The following CNBD1 variants were observed in gnomAD, a reference collection of about 807,000 sequenced individuals.
The protein encoded by CNBD1 is cyclic nucleotide-binding domain-containing protein 1.
In CNBD1, 71 loss-of-function variants were observed where a neutral mutation model predicts 54.4. The ratio of observed to expected loss-of-function variants is 1.30; its 90% confidence interval spans 1.08 to 1.59. The LOEUF is 1.59. Among genes scored for constraint, CNBD1 ranks in the 40% most tolerant of loss-of-function variants. The probability of loss-of-function intolerance (pLI) is 0.00; values close to 1 mark genes in which losing one functional copy is unlikely to be tolerated. For missense variants in CNBD1, 659 were observed against 518.0 expected (o/e 1.27, Z -2.64); for synonymous variants, 182 against 170.7 (o/e 1.07, Z -0.51).
chr8:86,912,160 C>T (rs1201295630), intron 3 of CNBD1, among the ~76,000 whole-genome samples: 3 of 151,754 alleles, frequency 2.0e-5, no homozygotes, highest in Non-Finnish European at 4.4e-5. Context: ...ATTTTAGTTC[C>T]AGAAGGGGTT....
At chr8:87,030,567 C>T (rs1809758793) in intron 4 of CNBD1, among the ~76,000 whole-genome samples, 1 of 152,122 alleles carries the variant, frequency 6.6e-6, no homozygotes, top group Admixed American at 6.5e-5. Flanking sequence ...TCTTCCTAAT[C>T]TGCCTGACAC....
chr8:87,108,782 G>T (rs997793715), intron 4 of CNBD1, among the ~76,000 whole-genome samples: 4 of 151,966 alleles, frequency 2.6e-5, no homozygotes, highest in African/African-American at 9.7e-5. Context: ...GATAATAATG[G>T]CTTTCTTGTT....
intron 4 of CNBD1, among the ~76,000 whole-genome samples, chr8:87,198,413 C>T (rs547919787): frequency 1.2e-4 from 19 of 152,148 alleles, no homozygotes; most frequent in South Asian, 6.2e-4. Flanking sequence ...TTATATTATT[C>T]GAAATGTTTA....
At chr8:86,891,107 T>C (rs1218618176) in intron 2 of CNBD1, among the ~76,000 whole-genome samples, 2 of 152,128 alleles carry the variant, frequency 1.3e-5, no homozygotes, top group African/African-American at 4.8e-5. Flanking sequence ...TAATCTCATT[T>C]GATTGTTTTT....
At chr8:87,351,635 A>G in intron 8 of CNBD1, 50 bp from the exon 9 acceptor site, 1 of 1,411,610 alleles carries the variant, frequency 7.1e-7, no homozygotes, top group Non-Finnish European at 9.3e-7. Flanking sequence ...ATCTAAAATA[A>G]TTTATTAAAG....
At chr8:87,315,962 T>A (rs2130894755) in intron 8 of CNBD1, among the ~76,000 whole-genome samples, 1 of 152,138 alleles carries the variant, frequency 6.6e-6, no homozygotes, top group East Asian at 1.9e-4. Flanking sequence ...TATCACATGA[T>A]GTGCCCCATG....
In CNBD1 at chr8:86,874,986, T is replaced by TTTTA. The variant is rs1304865331; in HGVS notation, c.88+8404_88+8405insTTAT. On this transcript the variant is annotated intron_variant, in intron 1 of 10. Transcript: ENST00000518476. ...CATTTATATTTGTTTGTAAATCAAT[T>TTTTA]TATATATATATATATATATATATAT... 4.6e-4 allele frequency among the ~76,000 whole-genome samples: 55 copies of TTTTA among 120,114 alleles called. No individual in the cohort carries two copies. The East Asian group carries it at 9.9e-3, about 22-fold the overall frequency. The allele number at this position is 120,114 out of a possible 152,430, so 78.8% of individuals were successfully genotyped here.
At position 87,130,240 on chromosome 8, in the gene CNBD1, C is replaced by A. The variant is rs1367123806; in HGVS notation, c.432-75753C>A. The stretch of plus-strand genomic sequence containing the variant: ...AGCTACATTATTATTCTTGATTTCT[C>A]AATAATCCCATTATGGTTAGAGCAC... On this transcript the variant is annotated intron_variant, in intron 4 of 10. Transcript: ENST00000518476. Among the ~76,000 whole-genome samples the A allele has an allele frequency of 6.6e-5, 10 of 152,096 alleles. No individual in the cohort carries two copies. The East Asian group carries it at 1.9e-3, about 29-fold the overall frequency.
At chr8:86,975,786 T>A (rs186188083) in intron 4 of CNBD1, among the ~76,000 whole-genome samples, 74 of 152,104 alleles carry the variant, frequency 4.9e-4, no homozygotes, top group Non-Finnish European at 7.5e-4. Context: ...CTATTTTTAG[T>A]TTTTTGGAGA....
At chr8:87,384,951 G>A (rs1811153441), downstream of CNBD1, among the ~76,000 whole-genome samples, 1 of 152,168 alleles carries the variant, frequency 6.6e-6, no homozygotes, top group Non-Finnish European at 1.5e-5. Context: ...TGAGACCATA[G>A]AAACTTGGTA....
In CNBD1 at chr8:87,367,673, T is replaced by G. The variant is rs182426801; in HGVS notation, c.1303+13887T>G. Among the ~76,000 whole-genome samples, 156 of 152,248 alleles carry G rather than the reference T, an allele frequency of 1.0e-3. 1 individual carries two copies. In the Middle Eastern group the frequency reaches 0.024, roughly 23 times the overall value. Reference sequence around the variant, plus strand: ...TTATATGTTTTATCTAATCAAATGTTCACAACAACCCATTGAGAAATATGC... The same window carrying G: ...TTATATGTTTTATCTAATCAAATGTGCACAACAACCCATTGAGAAATATGC... On this transcript the variant is annotated intron_variant, in intron 10 of 10. Coordinates refer to ENST00000518476, the MANE Select transcript of CNBD1 (RefSeq NM_173538.3).
intron 4 of CNBD1, among the ~76,000 whole-genome samples, chr8:87,044,147 A>G (rs1810131642): frequency 6.6e-6 from 1 of 151,700 alleles, no homozygotes; most frequent in Admixed American, 6.6e-5. Context: ...ACAGAAGCAT[A>G]TTTACATTGA....
chr8:87,109,021 A>T (rs2130701842), intron 4 of CNBD1, among the ~76,000 whole-genome samples: 1 of 152,320 alleles, frequency 6.6e-6, no homozygotes, highest in Non-Finnish European at 1.5e-5. Context: ...CTTATATACT[A>T]TTATTTTTAA....
At chr8:87,373,382 C>A (rs1810859799) in intron 10 of CNBD1, among the ~76,000 whole-genome samples, 1 of 151,762 alleles carries the variant, frequency 6.6e-6, no homozygotes, top group Non-Finnish European at 1.5e-5. Context: ...TGCTGCTAGG[C>A]AGAATTTTTT....
At chr8:87,134,831 C>T (rs1041486976) in intron 4 of CNBD1, among the ~76,000 whole-genome samples, 1 of 151,572 alleles carries the variant, frequency 6.6e-6, no homozygotes, top group Non-Finnish European at 1.5e-5. Flanking sequence ...GGATGATCTC[C>T]ATCTCCTGAC....
At chr8:87,374,290 GGATTGCTAAATTTT>G (rs1323710176) in intron 10 of CNBD1, among the ~76,000 whole-genome samples, 3 of 151,576 alleles carry the variant, frequency 2.0e-5, no homozygotes, top group Non-Finnish European at 4.4e-5. Flanking sequence ...AAATCCTTGT[GGATTGCTAAATTTT>G]GATTTTCACT....
chr8:87,392,365 G>C, intron 2 of CNBD1, among the ~76,000 whole-genome samples: 1 of 151,916 alleles, frequency 6.6e-6, no homozygotes, highest in East Asian at 1.9e-4. Flanking sequence ...ATTAAAGTTT[G>C]TAACAGCATT....
At chr8:86,894,138 T>C (rs1808814928) in intron 2 of CNBD1, among the ~76,000 whole-genome samples, 1 of 126,484 alleles carries the variant, frequency 7.9e-6, no homozygotes, top group Non-Finnish European at 1.6e-5. Context: ...CTCGGCTCAC[T>C]GCAAGCTCCG....
rs1442303707 is a variant in CNBD1 at position 87,322,877 on chromosome 8, C to A, written c.1043-28808C>A. On this transcript the variant is annotated intron_variant, in intron 8 of 10. Transcript: ENST00000518476. ...TGGTGTTTTAGACATGAAGTCCTTG[C>A]CCATGCCTAGGTCCTGAATGGTAAT... 4.2e-4 allele frequency among the ~76,000 whole-genome samples: 49 copies of A among 117,972 alleles called. No individual in the cohort carries two copies. In the Middle Eastern group the frequency reaches 0.017, roughly 42 times the overall value. 77.4% of individuals were successfully genotyped at this position (117,972 alleles called of 152,430 possible). A position where few individuals can be genotyped will look rare whatever the true frequency, so the allele number is the denominator to read the frequency against.
Sources: allele counts gnomAD v4.1 joint callset (sites outside exome capture counted in the v4.1 genomes callset), GRCh38; gene constraint gnomAD v4.1.1; transcripts MANE v1.5; gene names NCBI Gene and HGNC (gene_info 2026-07-23, HGNC 2026-07-21).